Variants in SENP7 observed in about 807,000 individuals in gnomAD.
SENP7 encodes the protein sentrin-specific protease 7.
SENP7 carries 64 observed loss-of-function variants against 141.2 expected under a neutral mutation model. The observed-to-expected ratio is 0.45, with a 90% CI of 0.37 to 0.56. The LOEUF (loss-of-function observed/expected upper bound fraction) is 0.56, where lower values mean the gene tolerates loss of function less well. Ranked by LOEUF, SENP7 falls within the 20% of genes least tolerant of loss-of-function variation. SENP7 has a pLI of 0.00. For synonymous variants in SENP7, 382 were observed against 426.4 expected, an observed-to-expected ratio of 0.90 and a Z score of 1.28; for missense variants, 1,025 against 1,212.2, an observed-to-expected ratio of 0.85 and a Z score of 2.29.
intron 18 of SENP7, 88 bp downstream of exon 18, chr3:101,332,679 CATA>C (rs2059088116): frequency 7.0e-6 from 5 of 713,412 alleles, no homozygotes; most frequent in Non-Finnish European, 1.1e-5. Context: ...TGTATGTGGC[CATA>C]ATTTTTACTG....
chr3:101,415,259 A>G (rs2061580236), intron 5 of SENP7, among the ~76,000 whole-genome samples: 1 of 152,230 alleles, frequency 6.6e-6, no homozygotes, highest in Non-Finnish European at 1.5e-5. Flanking sequence ...CTGGTCATCA[A>G]GATGTGGATG....
intron 6 of SENP7, among the ~76,000 whole-genome samples, chr3:101,376,569 G>A (rs1457266552): frequency 6.6e-6 from 1 of 151,860 alleles, no homozygotes; most frequent in Non-Finnish European, 1.5e-5. Flanking sequence ...TCACTCATAG[G>A]TGGGAATTGA....
intron 5 of SENP7, among the ~76,000 whole-genome samples, chr3:101,408,094 G>A (rs1327187983): frequency 1.3e-5 from 2 of 152,014 alleles, no homozygotes; most frequent in East Asian, 3.9e-4. Flanking sequence ...AACAAAACGG[G>A]AGATATTACA....
intron 16 of SENP7, among the ~76,000 whole-genome samples, chr3:101,338,075 C>T (rs530364114): frequency 6.6e-6 from 1 of 151,598 alleles, no homozygotes; most frequent in South Asian, 2.1e-4. Context: ...ATCACTTGAA[C>T]CCGAGAGGCA....
intron 13 of SENP7, among the ~76,000 whole-genome samples, chr3:101,345,818 G>C (rs534742699): frequency 6.6e-6 from 1 of 152,280 alleles, no homozygotes; most frequent in Non-Finnish European, 1.5e-5. Context: ...AAAAATTCTA[G>C]AAGATAACAT....
chr3:101,333,761 A>G (rs1009615511), intron 17 of SENP7, among the ~76,000 whole-genome samples: 1 of 152,216 alleles, frequency 6.6e-6, no homozygotes, highest in Admixed American at 6.5e-5. Context: ...ACACTGCCCT[A>G]GAAGTATTCA....
At chr3:101,466,081 A>G (rs575340000) in intron 3 of SENP7, among the ~76,000 whole-genome samples, 1 of 152,298 alleles carries the variant, frequency 6.6e-6, no homozygotes, top group Admixed American at 6.5e-5. Context: ...CCATTCAGAC[A>G]TAACAGTAAA....
chr3:101,336,896 T>C (rs1432622608), intron 17 of SENP7, among the ~76,000 whole-genome samples: 1 of 152,146 alleles, frequency 6.6e-6, no homozygotes, highest in Non-Finnish European at 1.5e-5. Context: ...TTTCGTATAA[T>C]GTAGCATAGG....
At chr3:101,377,286 G>A (rs1194430479) in intron 6 of SENP7, among the ~76,000 whole-genome samples, 1 of 152,106 alleles carries the variant, frequency 6.6e-6, no homozygotes, top group African/African-American at 2.4e-5. Context: ...TGAAGTCACA[G>A]GATGAATGGC....
chr3:101,400,081 G>C (rs1361853796), intron 5 of SENP7, among the ~76,000 whole-genome samples: 1 of 152,196 alleles, frequency 6.6e-6, no homozygotes, highest in Non-Finnish European at 1.5e-5. Context: ...CTGCTGGCCA[G>C]TCATTATTAT....
At chr3:101,439,520 G>A (rs1266039588) in intron 4 of SENP7, among the ~76,000 whole-genome samples, 1 of 47,864 alleles carries the variant, frequency 2.1e-5, no homozygotes, top group African/African-American at 8.5e-5. Flanking sequence ...CCCCCGCCTG[G>A]CCAGCCGTGC....
chr3:101,336,119 C>G (rs577797785), intron 17 of SENP7, among the ~76,000 whole-genome samples: 15 of 152,316 alleles, frequency 9.8e-5, no homozygotes, highest in African/African-American at 3.4e-4. Context: ...AACTTTGAAA[C>G]TGGAAAGCTA....
intron 4 of SENP7, among the ~76,000 whole-genome samples, chr3:101,426,910 A>C (rs1349083730): frequency 6.6e-6 from 1 of 152,200 alleles, no homozygotes; most frequent in Non-Finnish European, 1.5e-5. Flanking sequence ...ACAGAAACAC[A>C]CTGAAGTACA....
intron 5 of SENP7, among the ~76,000 whole-genome samples, chr3:101,409,721 T>C (rs568884548): frequency 6.6e-6 from 1 of 152,174 alleles, no homozygotes; most frequent in Non-Finnish European, 1.5e-5. Context: ...GCTGGGATAA[T>C]TGGCTAGCCA....
chr3:101,394,263 T>C (rs557097406), intron 6 of SENP7, among the ~76,000 whole-genome samples: 24 of 152,314 alleles, frequency 1.6e-4, no homozygotes, highest in African/African-American at 5.8e-4. Flanking sequence ...TCCATGTTGC[T>C]GCACATGACA....
At chr3:101,369,192 C>A (rs762096966) in intron 7 of SENP7, among the ~76,000 whole-genome samples, 29 of 152,086 alleles carry the variant, frequency 1.9e-4, no homozygotes, top group Non-Finnish European at 2.8e-4. Context: ...AAAAGTTATC[C>A]TGAATTATTT....
chr3:101,438,988 T>A (rs10454216), intron 4 of SENP7, among the ~76,000 whole-genome samples: 1 of 124,392 alleles, frequency 8.0e-6, no homozygotes, highest in African/African-American at 2.9e-5. Flanking sequence ...TCTGCCTGGC[T>A]GCCCATCGTC....
chr3:101,324,435 T>C lies in SENP7; in HGVS notation c.*1508A>G, dbSNP rs1004627819. 6.6e-6 allele frequency: 1 copy of C among 152,106 alleles called. No homozygotes were observed. Among genetic ancestry groups the C allele is most frequent in the Non-Finnish European group, 1.5e-5 (1 of 67,990 alleles). 9.4% of individuals were successfully genotyped at this position (152,106 alleles called of 1,614,324 possible). A position where few individuals can be genotyped will look rare whatever the true frequency, so the allele number is the denominator to read the frequency against. On this transcript the variant is annotated 3_prime_UTR_variant, in exon 24 of 24. Transcript: ENST00000394095. ...ACAAAAACATTAAGAAATCACAAGA[T>C]GTCTTATAGACTTGCTTTCCCAAAA... is the stretch of plus-strand genomic sequence containing the variant.
At chr3:101,509,412 A>G (rs748072169) in intron 1 of SENP7, among the ~76,000 whole-genome samples, 21 of 152,144 alleles carry the variant, frequency 1.4e-4, no homozygotes, top group Non-Finnish European at 2.5e-4. Context: ...CCCTCATGCT[A>G]CTTTAACTCT....
Sources: allele counts gnomAD v4.1 joint callset (sites outside exome capture counted in the v4.1 genomes callset), GRCh38; gene constraint gnomAD v4.1.1; transcripts MANE v1.5; gene names NCBI Gene and HGNC (gene_info 2026-07-23, HGNC 2026-07-21).